The following TMEM35A variants were observed in gnomAD, a reference collection of about 807,000 sequenced individuals.
TMEM35A encodes nicotinic acetylcholine receptor chaperone.
For synonymous variants in TMEM35A, 50 were observed against 54.7 expected, an observed-to-expected ratio of 0.91 and a Z score of 0.38; for missense variants, 83 against 132.7, an observed-to-expected ratio of 0.63 and a Z score of 1.84.
intron 1 of TMEM35A, among the ~76,000 whole-genome samples, chrX:101,093,217 C>A (rs770258035): frequency 8.9e-6 from 1 of 112,111 alleles, no homozygotes; most frequent in Non-Finnish European, 1.9e-5. Flanking sequence ...ACAAAGCAGG[C>A]ACTAGAAAAT....
chrX:101,091,950 A>G lies in TMEM35A; in HGVS notation c.121-2623A>G, dbSNP rs746074571. Among the ~76,000 whole-genome samples the G allele has an allele frequency of 3.6e-5, 4 of 111,650 alleles. No homozygotes were observed. The South Asian group carries it at 1.5e-3, about 42-fold the overall frequency. On this transcript the variant is annotated intron_variant, in intron 1 of 1. Coordinates refer to ENST00000372930, the MANE Select transcript of TMEM35A (RefSeq NM_021637.3). ...CACTCCAAATTTTCTGTCACCATCT[A>G]GGGAGATTTGACCACTCCCTCTGGT...
intron 1 of TMEM35A, among the ~76,000 whole-genome samples, chrX:101,080,497 T>C (rs1247172380): frequency 9.0e-6 from 1 of 111,035 alleles, no homozygotes; most frequent in East Asian, 2.8e-4. Context: ...AATCCTTACA[T>C]GCTTCTCCTT....
At chrX:101,081,991 C>A (rs1311276063) in intron 1 of TMEM35A, 1 of 110,817 alleles carries the variant, frequency 9.0e-6, no homozygotes, top group African/African-American at 3.3e-5. Flanking sequence ...ACAACCGATT[C>A]TTGAGAACAC....
chrX:101,086,705 TC>T (rs2089308220), intron 1 of TMEM35A, among the ~76,000 whole-genome samples: 1 of 111,358 alleles, frequency 9.0e-6, no homozygotes, highest in Admixed American at 9.6e-5. Flanking sequence ...CTGTTTTTCT[TC>T]CCCCTATACG....
At chrX:101,092,295 A>C (rs2089326407) in intron 1 of TMEM35A, among the ~76,000 whole-genome samples, 1 of 112,197 alleles carries the variant, frequency 8.9e-6, no homozygotes, top group African/African-American at 3.2e-5. Flanking sequence ...GACACTTGAT[A>C]AAATCTCATC....
chrX:101,085,087 A>C (rs1342342813), intron 1 of TMEM35A, among the ~76,000 whole-genome samples: 3 of 111,259 alleles, frequency 2.7e-5, no homozygotes, highest in African/African-American at 9.8e-5. Context: ...TTTTCCTTTT[A>C]CCTAATTGGC....
chrX:101,085,579 C>T (rs896063083), intron 1 of TMEM35A, among the ~76,000 whole-genome samples: 3 of 108,383 alleles, frequency 2.8e-5, no homozygotes, highest in South Asian at 4.0e-4. Context: ...CTAGCCTGGG[C>T]GACAGAGTAA....
At chrX:101,081,969 A>G (rs993620859) in intron 1 of TMEM35A, 9 of 110,705 alleles carry the variant, frequency 8.1e-5, no homozygotes, top group Admixed American at 3.9e-4. Flanking sequence ...GTTTTTATGG[A>G]TGCCAGAACT....
chrX:101,085,375 C>G (rs1054415826), intron 1 of TMEM35A, among the ~76,000 whole-genome samples: 14 of 111,393 alleles, frequency 1.3e-4, no homozygotes, highest in African/African-American at 4.6e-4. Context: ...CCAAGCTGGG[C>G]CGATCACCTG....
chrX:101,080,623 C>T (rs751765281), intron 1 of TMEM35A, among the ~76,000 whole-genome samples: 9 of 108,213 alleles, frequency 8.3e-5, no homozygotes, highest in African/African-American at 3.0e-4. Flanking sequence ...GCAGAAGCCA[C>T]CAAATGGCTT....
rs11549508 is a variant in TMEM35A, at chrX:101,079,036, C to G, written c.34C>G (p.Leu12Val). The G allele has an allele frequency of 8.3e-7, 1 of 1,209,633 alleles. No individual in the cohort carries two copies. Among genetic ancestry groups the G allele is most frequent in the African/African-American group, 1.7e-5 (1 of 57,166 alleles). The change falls in exon 1 of 2, where the codon CTC becomes GTC. Residue 12 changes from leucine (L) to valine (V), a missense_variant. Transcript: ENST00000372930. ...CCCCAGAACCGTAACTATTGTGGCC[C>G]TCTCAGTGGCCCTGGGACTCTTCTT... ...ASPRTVTIVA[L>V]SVALGLFFVF...
chrX:101,086,198 G>T (rs748379175), intron 1 of TMEM35A, among the ~76,000 whole-genome samples: 1 of 111,566 alleles, frequency 9.0e-6, no homozygotes, highest in South Asian at 3.8e-4. Flanking sequence ...TCGGCTCACC[G>T]CAACCTCTGC....
chrX:101,080,970 C>G (rs777318685), intron 1 of TMEM35A, among the ~76,000 whole-genome samples: 2 of 111,031 alleles, frequency 1.8e-5, no homozygotes, highest in Admixed American at 9.6e-5. Context: ...ACCAGCTTAG[C>G]AGGAGCTCAC....
At chrX:101,089,702 C>G (rs2089317785) in intron 1 of TMEM35A, among the ~76,000 whole-genome samples, 1 of 106,422 alleles carries the variant, frequency 9.4e-6, no homozygotes, top group Non-Finnish European at 1.9e-5. Flanking sequence ...CCGTAGTGAG[C>G]TCTGATCCCA....
chrX:101,091,525 G>T (rs2089324313), intron 1 of TMEM35A, among the ~76,000 whole-genome samples: 1 of 110,816 alleles, frequency 9.0e-6, no homozygotes, highest in African/African-American at 3.3e-5. Flanking sequence ...AGGCTGGTTT[G>T]CACTCCTGGG....
chrX:101,086,887 C>A (rs758160669), intron 1 of TMEM35A, among the ~76,000 whole-genome samples: 2 of 108,865 alleles, frequency 1.8e-5, no homozygotes, highest in African/African-American at 6.7e-5. Context: ...ACATGTGACC[C>A]TTCTATTGTT....
At chrX:101,085,407 C>G (rs2148109317) in intron 1 of TMEM35A, among the ~76,000 whole-genome samples, 1 of 110,087 alleles carries the variant, frequency 9.1e-6, no homozygotes, top group South Asian at 3.9e-4. Context: ...TCTAGACCAG[C>G]CTGGCCAACA....
chrX:101,095,021 G>A lies in TMEM35A; in HGVS notation c.*65G>A. Reference sequence around the variant, plus strand: ...CGTCCATGACACCAGGAAGATGTCAGTGTGTGTTTTTCATTTGATTTATTT... The same window carrying A: ...CGTCCATGACACCAGGAAGATGTCAATGTGTGTTTTTCATTTGATTTATTT... On this transcript the variant is annotated 3_prime_UTR_variant, in exon 2 of 2. Transcript: ENST00000372930. 9.4e-7 allele frequency: 1 copy of A among 1,058,433 alleles called. No individual in the cohort carries two copies. The highest frequency in any genetic ancestry group is 1.9e-5 in the African/African-American group (1 of 53,690). 87.2% of individuals were successfully genotyped at this position (1,058,433 alleles called of 1,213,427 possible). A position where few individuals can be genotyped will look rare whatever the true frequency, so the allele number is the denominator to read the frequency against.
intron 1 of TMEM35A, among the ~76,000 whole-genome samples, chrX:101,088,084 G>C (rs2089312797): frequency 9.0e-6 from 1 of 111,040 alleles, no homozygotes; most frequent in African/African-American, 3.3e-5. Context: ...TGTAGTCACA[G>C]CTACTTGGGA....
Sources: allele counts gnomAD v4.1 joint callset (sites outside exome capture counted in the v4.1 genomes callset), GRCh38; gene constraint gnomAD v4.1.1; transcripts MANE v1.5; gene names NCBI Gene and HGNC (gene_info 2026-07-23, HGNC 2026-07-21).